The following RGL1 variants were observed in gnomAD, a reference collection of about 807,000 sequenced individuals.
The protein encoded by RGL1 is ral guanine nucleotide dissociation stimulator like 1.
RGL1 carries 24 observed loss-of-function variants against 95.2 expected under a neutral mutation model. That is an observed-to-expected ratio of 0.25 (90% confidence interval 0.18 to 0.35). The LOEUF is 0.35. Among genes scored for constraint, RGL1 ranks in the 10% least tolerant of loss-of-function variants. RGL1 has a pLI of 1.00. For synonymous variants in RGL1, 329 were observed against 344.9 expected, an observed-to-expected ratio of 0.95 and a Z score of 0.51; for missense variants, 715 against 936.3, an observed-to-expected ratio of 0.76 and a Z score of 3.08.
intron 9 of RGL1, among the ~76,000 whole-genome samples, chr1:183,897,204 C>T (rs1373169523): frequency 6.6e-6 from 1 of 152,058 alleles, no homozygotes; most frequent in African/African-American, 2.4e-5. Flanking sequence ...TTGATGATTG[C>T]TTTCATAACC....
chr1:183,805,060 C>A, upstream of RGL1: 2 of 390,958 alleles, frequency 5.1e-6, no homozygotes, highest in Non-Finnish European at 9.1e-6. Context: ...CCTTACATCA[C>A]GGAGTGGCGT....
intron 1 of RGL1, 104 bp downstream of exon 1, chr1:183,805,428 C>T (rs1486306594): frequency 2.1e-6 from 2 of 963,846 alleles, no homozygotes; most frequent in Non-Finnish European, 3.3e-6. Flanking sequence ...CGGAGCAATC[C>T]GATTCCATAC....
intron 1 of RGL1, among the ~76,000 whole-genome samples, chr1:183,660,968 A>G (rs1468956858): frequency 1.3e-5 from 2 of 152,248 alleles, no homozygotes; most frequent in Non-Finnish European, 2.9e-5. Flanking sequence ...CTGGGTACGT[A>G]ACGAAATGAA....
intron 17 of RGL1, among the ~76,000 whole-genome samples, chr1:183,923,318 C>G (rs1365136152): frequency 2.6e-5 from 4 of 152,158 alleles, no homozygotes; most frequent in African/African-American, 9.7e-5. Context: ...ACTACCTTCT[C>G]CTAGAGATTA....
At position 183,778,965 on chromosome 1, in the gene RGL1, A is replaced by G. The variant is rs562904678; in HGVS notation, c.133-27410A>G. The stretch of plus-strand genomic sequence containing the variant: ...CCCCTGGCAGAATTGTACACCTGGC[A>G]CTGGTACAACTGGTGCTCCGCTTAG... On this transcript the variant is annotated intron_variant, in intron 2 of 18. Transcript: ENST00000304685. Among the ~76,000 whole-genome samples the G allele has an allele frequency of 4.1e-4, 63 of 152,252 alleles. 1 individual carries two copies. Among genetic ancestry groups the G allele is most frequent in the African/African-American group, 1.5e-3 (62 of 41,548 alleles).
intron 3 of RGL1, among the ~76,000 whole-genome samples, chr1:183,849,494 T>TG (rs1664684601): frequency 7.2e-6 from 1 of 138,844 alleles, no homozygotes; most frequent in South Asian, 2.5e-4. Context: ...TTTTTTTTTT[T>TG]TTTTTTTTTT....
chr1:183,772,385 C>T (rs909983778), intron 2 of RGL1, among the ~76,000 whole-genome samples: 3 of 152,212 alleles, frequency 2.0e-5, no homozygotes, highest in African/African-American at 7.2e-5. Flanking sequence ...GCCACACCTC[C>T]GTCACGTCCT....
intron 1 of RGL1, among the ~76,000 whole-genome samples, chr1:183,679,233 C>T (rs899133092): frequency 1.1e-4 from 16 of 152,034 alleles, no homozygotes; most frequent in Admixed American, 1.0e-3. Context: ...TTTATATTTA[C>T]ATTTATTATT....
chr1:183,817,143 C>T (rs1235472619), intron 2 of RGL1, among the ~76,000 whole-genome samples: 1 of 152,188 alleles, frequency 6.6e-6, no homozygotes, highest in Non-Finnish European at 1.5e-5. Flanking sequence ...GGAAAGTTAA[C>T]TTTTGGTCTG....
At chr1:183,753,156 A>AGTTAC (rs942330189) in intron 2 of RGL1, among the ~76,000 whole-genome samples, 32 of 151,960 alleles carry the variant, frequency 2.1e-4, no homozygotes, top group Admixed American at 2.1e-3. Flanking sequence ...TCTCTTTTAG[A>AGTTAC]GTTACTATCT....
chr1:183,771,970 C>T (rs1429835283), intron 2 of RGL1, among the ~76,000 whole-genome samples: 1 of 152,212 alleles, frequency 6.6e-6, no homozygotes, highest in Non-Finnish European at 1.5e-5. Context: ...TTGACAGACA[C>T]AGGCACTCAA....
chr1:183,912,541 G>A (rs1350837514), intron 15 of RGL1, among the ~76,000 whole-genome samples: 3 of 152,188 alleles, frequency 2.0e-5, no homozygotes, highest in Admixed American at 1.3e-4. Flanking sequence ...GGGGAAGTAG[G>A]ACTTCTTAGA....
chr1:183,838,954 C>A (rs1192100327), intron 2 of RGL1, among the ~76,000 whole-genome samples: 51 of 152,136 alleles, frequency 3.4e-4, no homozygotes. Flanking sequence ...TCCAGCATAC[C>A]GCTGTCTAAG....
intron 1 of RGL1, among the ~76,000 whole-genome samples, chr1:183,678,447 C>T (rs954721474): frequency 6.6e-5 from 10 of 152,156 alleles, no homozygotes; most frequent in African/African-American, 2.4e-4. Flanking sequence ...TTCTGTATTA[C>T]TAACATAGTC....
intron 1 of RGL1, among the ~76,000 whole-genome samples, chr1:183,643,309 T>TA (rs201242356): frequency 6.6e-6 from 1 of 151,120 alleles, no homozygotes; most frequent in Non-Finnish European, 1.5e-5. Flanking sequence ...TTTATTTATT[T>TA]TGAGACGGGG....
At chr1:183,730,981 A>G (rs998978788) in intron 1 of RGL1, among the ~76,000 whole-genome samples, 3 of 152,210 alleles carry the variant, frequency 2.0e-5, no homozygotes, top group Non-Finnish European at 2.9e-5. Flanking sequence ...GAGTGGGTGC[A>G]TAGAAGTTGT....
In RGL1 at chr1:183,922,284, C is replaced by T; in HGVS notation, c.2067C>T (p.Asp689=). The part of the protein sequence containing the change: ...IQRAMLKHNL[D]SDPAEEYELV... The stretch of plus-strand genomic sequence containing the variant: ...GAGCCATGCTGAAGCACAATCTGGA[C>T]TCAGACCCCGCCGAGGAGTACGAGC... Residue 689 remains aspartate, a synonymous_variant, in exon 17 of 18, where the codon GAC becomes GAT. Coordinates refer to ENST00000360851, the MANE Select transcript of RGL1 (RefSeq NM_001297671.3). 1 of 1,614,136 alleles carries T rather than the reference C, an allele frequency of 6.2e-7. No individual in the cohort carries two copies. Among genetic ancestry groups the T allele is most frequent in the South Asian group, 1.1e-5 (1 of 91,056 alleles).
In RGL1 at chr1:183,904,987, G is replaced by A. The variant is rs189835307; in HGVS notation, c.1472+16G>A. ...AGGAGGAGAGGTGGGATCACCTGTC[G>A]TTCATCGGGGTAGAACTGAAGTGTT... On this transcript the variant is annotated intron_variant, in intron 13 of 17. Coordinates refer to ENST00000360851, the MANE Select transcript of RGL1 (RefSeq NM_001297671.3). 5.0e-6 allele frequency: 8 copies of A among 1,607,350 alleles called. No individual in the cohort carries two copies. The highest frequency in any genetic ancestry group is 3.4e-5 in the Admixed American group (2 of 58,390).
chr1:183,924,731 C>T (rs1004467752), intron 17 of RGL1, among the ~76,000 whole-genome samples: 2 of 150,902 alleles, frequency 1.3e-5, no homozygotes, highest in Non-Finnish European at 2.9e-5. Context: ...GATCATCTGA[C>T]GTCAGGAGTT....
Sources: gnomAD v4.1 joint callset for allele counts (sites outside exome capture counted in the v4.1 genomes callset) on GRCh38, gnomAD v4.1.1 for gene constraint, MANE v1.5 for transcripts, NCBI Gene and HGNC (gene_info 2026-07-23, HGNC 2026-07-21) for gene names.